The following USP45 variants were observed in gnomAD, a reference collection of about 807,000 sequenced individuals.
USP45 encodes ubiquitin carboxyl-terminal hydrolase 45.
In USP45, 89 loss-of-function variants were observed where a neutral mutation model predicts 95.8. The ratio of observed to expected loss-of-function variants is 0.93; its 90% CI spans 0.78 to 1.11. The LOEUF is 1.11. Among genes scored for constraint, USP45 ranks in the 50% least tolerant of loss-of-function variants. The pLI, the probability that USP45 is intolerant of heterozygous loss-of-function variation, is 0.00. For missense variants in USP45, 898 were observed against 942.5 expected, an observed-to-expected ratio of 0.95 and a Z score of 0.62; for synonymous variants, 281 against 316.2, an observed-to-expected ratio of 0.89 and a Z score of 1.18.
chr6:99,510,589 A>AAT (rs1442495508), intron 1 of USP45, among the ~76,000 whole-genome samples: 1 of 152,196 alleles, frequency 6.6e-6, no homozygotes, highest in Non-Finnish European at 1.5e-5. Context: ...GGCCTCTTAT[A>AAT]ATAAGAGGCT....
intron 8 of USP45, 89 bp from the exon 9 acceptor site, chr6:99,476,319 A>C (rs1790853337): frequency 3.1e-6 from 4 of 1,309,678 alleles, no homozygotes; most frequent in Non-Finnish European, 4.3e-6. Flanking sequence ...TTGAAATAGC[A>C]TATTATTAGC....
intron 15 of USP45, among the ~76,000 whole-genome samples, chr6:99,440,131 C>T (rs1339817697): frequency 1.3e-5 from 2 of 152,054 alleles, no homozygotes; most frequent in African/African-American, 4.8e-5. Context: ...AAAATAAATT[C>T]AATATAAAAG....
At chr6:99,517,434 C>T (rs941977465), upstream of USP45, among the ~76,000 whole-genome samples, 3 of 151,014 alleles carry the variant, frequency 2.0e-5, no homozygotes, top group Non-Finnish European at 2.9e-5. Flanking sequence ...GTATTTTTTT[C>T]CTTTTTTTGT....
At chr6:99,456,528 A>G (rs992855855) in intron 13 of USP45, among the ~76,000 whole-genome samples, 1 of 152,192 alleles carries the variant, frequency 6.6e-6, no homozygotes, top group Non-Finnish European at 1.5e-5. Context: ...TAGTTCCCCA[A>G]ATTAATACTT....
At chr6:99,456,672 G>A (rs1314192542) in intron 13 of USP45, among the ~76,000 whole-genome samples, 1 of 152,014 alleles carries the variant, frequency 6.6e-6, no homozygotes, top group African/African-American at 2.4e-5. Context: ...TCTTAATCCT[G>A]TCAGCTGAGG....
At chr6:99,457,578 C>T (rs1423233007) in intron 13 of USP45, among the ~76,000 whole-genome samples, 1 of 152,148 alleles carries the variant, frequency 6.6e-6, no homozygotes, top group Non-Finnish European at 1.5e-5. Flanking sequence ...TATGTACCAA[C>T]AGAAAATTAA....
chr6:99,475,787 T>C (rs1395574965), intron 9 of USP45, among the ~76,000 whole-genome samples: 2 of 147,106 alleles, frequency 1.4e-5, no homozygotes, highest in African/African-American at 5.0e-5. Context: ...ACTGTACTTT[T>C]AAATTGTAAT....
intron 13 of USP45, among the ~76,000 whole-genome samples, chr6:99,455,095 AAAAAAAAC>A (rs1784739883): frequency 6.6e-6 from 1 of 150,764 alleles, no homozygotes; most frequent in African/African-American, 2.4e-5. Context: ...ATCTCAAAAA[AAAAAAAAC>A]AAAAAACAAA....
At chr6:99,506,760 T>C (rs527648072) in intron 4 of USP45, among the ~76,000 whole-genome samples, 3 of 152,342 alleles carry the variant, frequency 2.0e-5, no homozygotes, top group African/African-American at 7.2e-5. Context: ...AAGCTACTTA[T>C]GCCCAGCTCT....
chr6:99,472,140 A>C (rs1259026802), intron 9 of USP45, among the ~76,000 whole-genome samples: 1 of 151,950 alleles, frequency 6.6e-6, no homozygotes, highest in East Asian at 1.9e-4. Context: ...GATATATTTT[A>C]CTTTTTTTAT....
At chr6:99,483,812 T>C (rs1405023580) in intron 7 of USP45, among the ~76,000 whole-genome samples, 1 of 106,462 alleles carries the variant, frequency 9.4e-6, no homozygotes, top group Non-Finnish European at 1.7e-5. Flanking sequence ...CAGTCCGCAG[T>C]CCGGCCTGGG....
chr6:99,461,199 A>G (rs1786379772), intron 13 of USP45: 4 of 985,300 alleles, frequency 4.1e-6, no homozygotes, highest in Non-Finnish European at 4.8e-6. Flanking sequence ...TAATGAGCTG[A>G]GGCAGGATTT....
intron 8 of USP45, among the ~76,000 whole-genome samples, chr6:99,479,106 T>G (rs970855534): frequency 1.3e-5 from 2 of 151,668 alleles, no homozygotes; most frequent in Admixed American, 6.6e-5. Context: ...CAACAAAACT[T>G]TGGGGGGTGA....
chr6:99,459,447 C>T (rs565399301), intron 13 of USP45, among the ~76,000 whole-genome samples: 1 of 152,126 alleles, frequency 6.6e-6, no homozygotes, highest in Non-Finnish European at 1.5e-5. Context: ...AATGAACATT[C>T]ACCTACATGT....
chr6:99,454,864 G>A (rs1319845498), intron 13 of USP45, among the ~76,000 whole-genome samples: 1 of 151,666 alleles, frequency 6.6e-6, no homozygotes, highest in African/African-American at 2.4e-5. Flanking sequence ...CAAGGCAGGT[G>A]GATCACGAGG....
intron 2 of USP45, among the ~76,000 whole-genome samples, chr6:99,509,462 A>G (rs1799286056): frequency 1.3e-5 from 2 of 152,170 alleles, no homozygotes; most frequent in South Asian, 4.1e-4. Flanking sequence ...AATGGAAAAA[A>G]TATATTAAAA....
intron 13 of USP45, among the ~76,000 whole-genome samples, chr6:99,447,588 C>T (rs1782808249): frequency 6.6e-6 from 1 of 152,230 alleles, no homozygotes; most frequent in African/African-American, 2.4e-5. Flanking sequence ...TCAAGGAGGC[C>T]TGCCTGCCTC....
intron 5 of USP45, among the ~76,000 whole-genome samples, chr6:99,500,374 T>C (rs899415805): frequency 6.6e-6 from 1 of 152,176 alleles, no homozygotes; most frequent in Non-Finnish European, 1.5e-5. Context: ...TCTGCCCGAC[T>C]TGGGCTCCCA....
chr6:99,507,245 CAA>C (rs1369635887), intron 4 of USP45, among the ~76,000 whole-genome samples, 181 bp downstream of exon 4: 1 of 152,014 alleles, frequency 6.6e-6, no homozygotes, highest in Admixed American at 6.6e-5. Context: ...AAAATTTTTC[CAA>C]TTTAAATTTT....
Sources: allele counts gnomAD v4.1 joint callset (sites outside exome capture counted in the v4.1 genomes callset), GRCh38; gene constraint gnomAD v4.1.1; transcripts MANE v1.5; gene names NCBI Gene and HGNC (gene_info 2026-07-23, HGNC 2026-07-21).